Variants in CEP128 observed in about 807,000 individuals in gnomAD.
CEP128 encodes centrosomal protein 128kDa.
A neutral mutation model predicts 156.7 loss-of-function variants in CEP128; 132 were observed. The observed-to-expected ratio is 0.84, with a 90% confidence interval of 0.73 to 0.97. CEP128 has a LOEUF of 0.97. Ranked by LOEUF, CEP128 falls within the 50% of genes least tolerant of loss-of-function variation. The pLI, the probability that CEP128 is intolerant of heterozygous loss-of-function variation, is 0.00. For missense variants in CEP128, 1,252 were observed against 1,281.9 expected (o/e 0.98, Z 0.36); for synonymous variants, 469 against 448.9 (o/e 1.04, Z -0.57).
chr14:80,526,598 G>A, intron 23 of CEP128: 1 of 242,898 alleles, frequency 4.1e-6, no homozygotes, highest in East Asian at 8.4e-5. Context: ...GGGTTTCTTG[G>A]CTCTTAAGCA....
chr14:80,568,334 A>G (rs1408626812), intron 20 of CEP128, among the ~76,000 whole-genome samples: 1 of 152,238 alleles, frequency 6.6e-6, no homozygotes, highest in Non-Finnish European at 1.5e-5. Context: ...ACTATCATGC[A>G]TGTCACACAG....
chr14:80,851,366 T>C (rs1314766688), intron 9 of CEP128, among the ~76,000 whole-genome samples: 2 of 152,156 alleles, frequency 1.3e-5, no homozygotes, highest in African/African-American at 4.8e-5. Context: ...GGGGCGATTT[T>C]AGAAGGCGAG....
At chr14:80,719,701 T>C (rs981853105) in intron 19 of CEP128, among the ~76,000 whole-genome samples, 1 of 152,158 alleles carries the variant, frequency 6.6e-6, no homozygotes, top group African/African-American at 2.4e-5. Context: ...CAATGAGTTT[T>C]TATTACAATT....
intron 19 of CEP128, among the ~76,000 whole-genome samples, chr14:80,624,546 A>G (rs1427904050): frequency 2.6e-5 from 4 of 152,166 alleles, no homozygotes; most frequent in Non-Finnish European, 5.9e-5. Context: ...TCCCACTAAG[A>G]GTGTACAATA....
intron 16 of CEP128, among the ~76,000 whole-genome samples, chr14:80,764,199 T>C (rs962240190): frequency 1.3e-5 from 2 of 152,138 alleles, no homozygotes; most frequent in Non-Finnish European, 2.9e-5. Context: ...TTAGAAAACA[T>C]AGAAAATTTC....
intron 20 of CEP128, among the ~76,000 whole-genome samples, chr14:80,570,506 A>C (rs758360414): frequency 2.6e-5 from 4 of 152,154 alleles, no homozygotes; most frequent in Non-Finnish European, 5.9e-5. Flanking sequence ...TAGACTTCAA[A>C]GACATTAAGT....
intron 10 of CEP128, among the ~76,000 whole-genome samples, chr14:80,838,869 TA>T (rs1204401029): frequency 9.9e-5 from 15 of 152,050 alleles, no homozygotes; most frequent in Admixed American, 9.8e-4. Context: ...TAAATATCGA[TA>T]AAAAATGTGA....
intron 19 of CEP128, among the ~76,000 whole-genome samples, chr14:80,642,084 C>A (rs570646098): frequency 8.2e-4 from 4 of 4,880 alleles, no homozygotes; most frequent in East Asian, 8.8e-3. Context: ...AGTGAGACTC[C>A]GTTTCAAAAA....
chr14:80,644,516 CT>C (rs1469781893), intron 19 of CEP128, among the ~76,000 whole-genome samples: 1 of 152,060 alleles, frequency 6.6e-6, no homozygotes, highest in African/African-American at 2.4e-5. Context: ...ATACTTGTTT[CT>C]GTTATTTCAA....
intron 19 of CEP128, among the ~76,000 whole-genome samples, chr14:80,629,293 A>G (rs1211768411): frequency 2.0e-5 from 3 of 152,194 alleles, no homozygotes; most frequent in Non-Finnish European, 4.4e-5. Flanking sequence ...TAAAATATAC[A>G]TAAGAATTTG....
chr14:80,629,090 A>G (rs1893855608), intron 19 of CEP128, among the ~76,000 whole-genome samples: 4 of 150,946 alleles, frequency 2.6e-5, no homozygotes, highest in African/African-American at 4.9e-5. Flanking sequence ...ACTCACTTCA[A>G]TCAAGATTTC....
chr14:80,836,100 A>G, intron 12 of CEP128, 105 bp downstream of exon 12: 1 of 983,492 alleles, frequency 1.0e-6, no homozygotes, highest in East Asian at 2.4e-5. Flanking sequence ...GTATGACGTG[A>G]GCATCACAAA....
chr14:80,950,906 G>GAAAAAAAAAAAAA (rs59969729), intron 2 of CEP128, among the ~76,000 whole-genome samples: 2 of 115,056 alleles, frequency 1.7e-5, no homozygotes, highest in Non-Finnish European at 3.7e-5. Flanking sequence ...TCCCGAGTAA[G>GAAAAAAAAAAAAA]AAAAAAAAAA....
In CEP128 at chr14:80,530,865, G is replaced by A. The variant is rs779383659; in HGVS notation, c.2902C>T (p.His968Tyr). 1 of 1,606,542 alleles carries A rather than the reference G, an allele frequency of 6.2e-7. No homozygotes were observed. Among genetic ancestry groups the A allele is most frequent in the Admixed American group, 1.7e-5 (1 of 59,378 alleles). Residue 968 changes from histidine to tyrosine, a missense_variant, in exon 22 of 25, where the codon CAT (histidine) becomes TAT (tyrosine). Transcript: ENST00000555265. ...AGTTTCTCAGGCACAGACTCCAGAT[G>A]GTCCAAGGCCACTTGGGTACTCTGA... Reference protein sequence around the residue: ...LETSTQVALDHLESVPEKLSL... With the variant: ...LETSTQVALDYLESVPEKLSL...
At chr14:80,801,732 C>A (rs1883867345) in intron 13 of CEP128, among the ~76,000 whole-genome samples, 1 of 151,636 alleles carries the variant, frequency 6.6e-6, no homozygotes, top group Non-Finnish European at 1.5e-5. Context: ...CATAGTGAAA[C>A]CCCGTCTCTA....
intron 23 of CEP128, among the ~76,000 whole-genome samples, chr14:80,507,332 A>T (rs1288495872): frequency 6.6e-6 from 1 of 152,194 alleles, no homozygotes; most frequent in Non-Finnish European, 1.5e-5. Flanking sequence ...ACTCGAAGTC[A>T]TTCACTGCAG....
intron 8 of CEP128, among the ~76,000 whole-genome samples, chr14:80,893,325 C>G (rs1385144987): frequency 1.3e-5 from 2 of 151,586 alleles, no homozygotes; most frequent in Non-Finnish European, 3.0e-5. Context: ...TTACCAGGGA[C>G]AGAGAGGGTA....
intron 19 of CEP128, among the ~76,000 whole-genome samples, chr14:80,641,019 A>G (rs1276761038): frequency 6.6e-6 from 1 of 152,198 alleles, no homozygotes; most frequent in Non-Finnish European, 1.5e-5. Flanking sequence ...AAGGGCCATT[A>G]TTATGAGAAT....
chr14:80,577,087 T>C (rs910773040), intron 20 of CEP128, among the ~76,000 whole-genome samples: 12 of 152,216 alleles, frequency 7.9e-5, no homozygotes, highest in African/African-American at 2.2e-4. Context: ...CTAAACTTCA[T>C]AACACTATAT....
Sources: allele counts gnomAD v4.1 joint callset (sites outside exome capture counted in the v4.1 genomes callset), GRCh38; gene constraint gnomAD v4.1.1; transcripts MANE v1.5; gene names NCBI Gene and HGNC (gene_info 2026-07-23, HGNC 2026-07-21).